The following MROH7 variants were observed in gnomAD, a reference collection of about 807,000 sequenced individuals.
MROH7 encodes the protein maestro heat-like repeat-containing protein family member 7.
A neutral mutation model predicts 129.2 loss-of-function variants in MROH7; 113 were observed. The observed-to-expected ratio is 0.87, with a 90% CI of 0.75 to 1.02. The LOEUF is 1.02. Ranked by LOEUF, MROH7 falls within the 50% of genes least tolerant of loss-of-function variation. The probability of loss-of-function intolerance (pLI) is 0.00; values close to 1 mark genes in which losing one functional copy is unlikely to be tolerated. For synonymous variants in MROH7, 655 were observed against 667.9 expected, an observed-to-expected ratio of 0.98 and a Z score of 0.30; for missense variants, 1,601 against 1,671.3, an observed-to-expected ratio of 0.96 and a Z score of 0.73.
rs754131531 is a variant in MROH7, at chr1:54,710,233, A to G, written c.*46A>G. On this transcript the variant is annotated 3_prime_UTR_variant, in exon 24 of 24. Transcript: ENST00000421030. ...TCCTCAGGGTGGTTGAGTTCCAGCCATGCTCCCTATAAATGTCATGTGGCT... is the reference window on the plus strand; with the variant it reads ...TCCTCAGGGTGGTTGAGTTCCAGCCGTGCTCCCTATAAATGTCATGTGGCT... 3.1e-6 allele frequency: 5 copies of G among 1,591,154 alleles called. No homozygotes were observed. Among genetic ancestry groups the G allele is most frequent in the East Asian group, 2.2e-5 (1 of 44,588 alleles).
intron 15 of MROH7, among the ~76,000 whole-genome samples, chr1:54,692,148 A>C (rs1345022243): frequency 6.6e-6 from 1 of 152,226 alleles, no homozygotes; most frequent in Non-Finnish European, 1.5e-5. Context: ...TGCCCAGCCC[A>C]TGGCTGATGC....
At chr1:54,666,897 G>A (rs1371216026) in intron 4 of MROH7, among the ~76,000 whole-genome samples, 1 of 152,188 alleles carries the variant, frequency 6.6e-6, no homozygotes. Flanking sequence ...TGATCTCCTT[G>A]GTAGATCTGG....
chr1:54,650,640 CCCTT>C (rs1183338430), intron 1 of MROH7, among the ~76,000 whole-genome samples: 2 of 151,934 alleles, frequency 1.3e-5, no homozygotes, highest in African/African-American at 2.4e-5. Flanking sequence ...CTCCTCTCCT[CCCTT>C]CCTTCCTTGT....
At chr1:54,676,200 TA>T (rs1644977761) in intron 10 of MROH7, among the ~76,000 whole-genome samples, 1 of 152,192 alleles carries the variant, frequency 6.6e-6, no homozygotes, top group Non-Finnish European at 1.5e-5. Context: ...AGATTTTATT[TA>T]TTTTTTTCTT....
chr1:54,679,807 C>T lies in MROH7; in HGVS notation c.2227-84C>T, dbSNP rs551994621. On this transcript the variant is annotated intron_variant, in intron 12 of 23. Coordinates refer to ENST00000421030, the MANE Select transcript of MROH7 (RefSeq NM_001039464.4). ...TCCCCTGTCCTCTAGCCTGTCACCC[C>T]CTTCCCTCTCCTCCCACCTTCCTGC... The T allele has an allele frequency of 8.5e-5, 115 of 1,360,710 alleles. 1 individual carries two copies. The African/African-American group carries it at 1.5e-3, about 17-fold the overall frequency. 84.3% of individuals were successfully genotyped at this position (1,360,710 alleles called of 1,614,324 possible).
chr1:54,664,015 C>T (rs1644775087), intron 3 of MROH7: 9 of 308,664 alleles, frequency 2.9e-5, no homozygotes, highest in South Asian at 2.5e-4. Flanking sequence ...TTTGGTGTTC[C>T]CCTCAACTCC....
intron 15 of MROH7, among the ~76,000 whole-genome samples, chr1:54,690,580 A>G (rs1319848214): frequency 2.0e-5 from 3 of 151,632 alleles, no homozygotes; most frequent in African/African-American, 7.3e-5. Context: ...AGTAGCTGGG[A>G]CTACAGGCGC....
At chr1:54,651,365 C>T (rs1489415896) in intron 1 of MROH7, 1 of 152,148 alleles carries the variant, frequency 6.6e-6, no homozygotes, top group African/African-American at 2.4e-5. Flanking sequence ...TTCAGGTGGC[C>T]CCCACCTGTC....
chr1:54,649,645 G>A (rs556859076), intron 1 of MROH7, among the ~76,000 whole-genome samples: 7 of 152,354 alleles, frequency 4.6e-5, no homozygotes, highest in African/African-American at 1.7e-4. Context: ...GCCCAAACAA[G>A]TTAGGTCTTT....
rs569291500 is a variant in MROH7, at chr1:54,678,882, G to A, written c.2049+28G>A. On this transcript the variant is annotated intron_variant, in intron 11 of 23. Coordinates refer to ENST00000421030, the MANE Select transcript of MROH7 (RefSeq NM_001039464.4). ...GACTGCCTGGTGCCCATCCAGGAGC[G>A]GAGGGTGGGGGGTGAGGAGGGGCAG... 1.4e-5 allele frequency: 21 copies of A among 1,553,632 alleles called. No individual in the cohort carries two copies. The East Asian group carries it at 3.4e-4, about 25-fold the overall frequency.
In MROH7 at chr1:54,702,642, T is replaced by TA. The variant is rs762949006; in HGVS notation, c.3462dup (p.Arg1155ThrfsTer16). The TA allele has an allele frequency of 3.7e-6, 6 of 1,613,470 alleles. No homozygotes were observed. The highest frequency in any genetic ancestry group is 5.1e-6 in the Non-Finnish European group (6 of 1,179,670). ...TCCCAGAAGTGTGTGAAGACCCTGT[T>TA]ACGCTGTTCTTACTTCATGGCTTGG... On this transcript the variant is annotated frameshift_variant, in exon 21 of 24. Transcript: ENST00000421030. LOFTEE classifies it high-confidence loss of function.
chr1:54,657,771 C>G (rs1376196272), intron 3 of MROH7, among the ~76,000 whole-genome samples: 2 of 151,750 alleles, frequency 1.3e-5, no homozygotes, highest in Admixed American at 1.3e-4. Context: ...TCAAACAATT[C>G]TCCTGCCTTA....
At chr1:54,699,920 G>A (rs1189480631) in intron 17 of MROH7, 2 of 587,736 alleles carry the variant, frequency 3.4e-6, no homozygotes, top group African/African-American at 3.7e-5. Context: ...TCAGAGTGGA[G>A]GTGGGCATCC....
intron 13 of MROH7, among the ~76,000 whole-genome samples, chr1:54,682,160 CTTTTT>C (rs36109984): frequency 4.4e-5 from 6 of 134,960 alleles, no homozygotes; most frequent in African/African-American, 1.1e-4. Flanking sequence ...TTCTTTCTTT[CTTTTT>C]TTTTTTTTTT....
At chr1:54,666,425 A>ATTTTT (rs71048704) in intron 4 of MROH7, among the ~76,000 whole-genome samples, 3,160 of 69,144 alleles carry the variant, frequency 0.046, 289 homozygotes, top group Middle Eastern at 0.081. Context: ...GAGAAGAGGA[A>ATTTTT]TTTTTTTTTT....
chr1:54,682,597 G>A, intron 13 of MROH7, 59 bp from the exon 14 acceptor site: 1 of 1,547,538 alleles, frequency 6.5e-7, no homozygotes, highest in Non-Finnish European at 8.7e-7. Flanking sequence ...ACCATTTGGA[G>A]GCTGGGTTAG....
At chr1:54,648,746 C>T (rs1002473056) in intron 1 of MROH7, among the ~76,000 whole-genome samples, 4 of 152,094 alleles carry the variant, frequency 2.6e-5, no homozygotes, top group African/African-American at 9.7e-5. Context: ...AAAGGGACCC[C>T]TGTTGAGCAA....
At chr1:54,656,683 G>A (rs1314462982) in intron 3 of MROH7, among the ~76,000 whole-genome samples, 2 of 151,974 alleles carry the variant, frequency 1.3e-5, no homozygotes, top group East Asian at 1.9e-4. Context: ...ATTAGCTGAT[G>A]TGGTGGCCGG....
chr1:54,690,545 G>A (rs891580179), intron 15 of MROH7, among the ~76,000 whole-genome samples: 4 of 147,964 alleles, frequency 2.7e-5, no homozygotes, highest in African/African-American at 7.4e-5. Flanking sequence ...CCGGGTTCAC[G>A]CCATTCTCCT....
Sources: allele counts gnomAD v4.1 joint callset (sites outside exome capture counted in the v4.1 genomes callset), GRCh38; gene constraint gnomAD v4.1.1; transcripts MANE v1.5; gene names NCBI Gene and HGNC (gene_info 2026-07-23, HGNC 2026-07-21).